The following NAALADL2 variants were observed in gnomAD, a reference collection of about 807,000 sequenced individuals.
The protein encoded by NAALADL2 is inactive N-acetylated-alpha-linked acidic dipeptidase-like protein 2.
A neutral mutation model predicts 87.2 loss-of-function variants in NAALADL2; 76 were observed. The observed-to-expected ratio is 0.87, with a 90% CI of 0.72 to 1.05. The LOEUF (loss-of-function observed/expected upper bound fraction) is 1.05, where lower values mean the gene tolerates loss of function less well. NAALADL2 is among the 50% of genes least tolerant of loss of function. The pLI, the probability that NAALADL2 is intolerant of heterozygous loss-of-function variation, is 0.00. For missense variants in NAALADL2, 1,089 were observed against 945.8 expected, an observed-to-expected ratio of 1.15 and a Z score of -1.99; for synonymous variants, 354 against 331.0, an observed-to-expected ratio of 1.07 and a Z score of -0.75.
At chr3:175,001,107 C>A (rs977360839) in intron 1 of NAALADL2, among the ~76,000 whole-genome samples, 5 of 152,172 alleles carry the variant, frequency 3.3e-5, no homozygotes, top group African/African-American at 4.8e-5. Context: ...GAGGAAGGTT[C>A]CAGTCCAACC....
At chr3:175,456,155 C>T (rs933811372) in intron 6 of NAALADL2, among the ~76,000 whole-genome samples, 2 of 151,994 alleles carry the variant, frequency 1.3e-5, no homozygotes, top group African/African-American at 4.8e-5. Flanking sequence ...AGATTGGGAA[C>T]CAATTAATCT....
intron 10 of NAALADL2, among the ~76,000 whole-genome samples, chr3:175,581,551 C>A (rs1483980281): frequency 6.6e-6 from 1 of 152,270 alleles, no homozygotes; most frequent in East Asian, 1.9e-4. Context: ...GAAGAAAAAT[C>A]TGCTCCAATA....
upstream of NAALADL2, among the ~76,000 whole-genome samples, chr3:174,855,781 C>T (rs1465892815): frequency 6.1e-5 from 3 of 49,474 alleles, no homozygotes; most frequent in African/African-American, 2.2e-4. Flanking sequence ...GAAATACACA[C>T]ACACACACAC....
intron 3 of NAALADL2, among the ~76,000 whole-genome samples, chr3:174,777,267 T>C (rs1715327220): frequency 6.6e-6 from 1 of 152,092 alleles, no homozygotes. Context: ...AAAATGTAGG[T>C]AATGTGTAAA....
At chr3:175,073,620 A>T (rs1363631965) in intron 1 of NAALADL2, among the ~76,000 whole-genome samples, 1 of 152,014 alleles carries the variant, frequency 6.6e-6, no homozygotes, top group Non-Finnish European at 1.5e-5. Context: ...ATTTTCATTT[A>T]TTCTGAAGTA....
intron 10 of NAALADL2, among the ~76,000 whole-genome samples, chr3:175,620,925 T>G (rs9283641): frequency 0.72 from 108,871 of 152,050 alleles, 40,265 homozygotes; most frequent in East Asian, 0.87. Context: ...GCCCTCAGCT[T>G]CAAGAGGGGA....
rs71164634 is a variant in NAALADL2 at position 175,465,473 on chromosome 3, C to CTTTTTTTTTTTTTTTTTTTTTTTTT, written c.1328-1487_1328-1486insTTTTTTTTTTTTTTTTTTTTTTTTT. On this transcript the variant is annotated intron_variant, in intron 7 of 13. Coordinates refer to ENST00000454872, the MANE Select transcript of NAALADL2 (RefSeq NM_207015.3). ...ACACTATGTATACCATGAATTAAAT[C>CTTTTTTTTTTTTTTTTTTTTTTTTT]TTTTTTTTTTTTTTTTTTTGAGATG... Among the ~76,000 whole-genome samples, 31 of 106,730 alleles carry CTTTTTTTTTTTTTTTTTTTTTTTTT rather than the reference C, an allele frequency of 2.9e-4. 2 individuals are homozygous for CTTTTTTTTTTTTTTTTTTTTTTTTT. Among genetic ancestry groups the CTTTTTTTTTTTTTTTTTTTTTTTTT allele is most frequent in the East Asian group, 1.3e-3 (4 of 3,052 alleles). The allele number at this position is 106,730 out of a possible 152,430, so 70.0% of individuals were successfully genotyped here.
At chr3:175,071,932 T>C (rs1251783457) in intron 1 of NAALADL2, among the ~76,000 whole-genome samples, 1 of 152,082 alleles carries the variant, frequency 6.6e-6, no homozygotes, top group Non-Finnish European at 1.5e-5. Flanking sequence ...CAACTGCTGT[T>C]TTTAACTATA....
intron 12 of NAALADL2, among the ~76,000 whole-genome samples, chr3:175,737,814 G>T (rs1414093937): frequency 1.4e-5 from 2 of 138,062 alleles, no homozygotes; most frequent in African/African-American, 5.5e-5. Context: ...TGGTTTCTGT[G>T]TGGTATGGGC....
At chr3:174,931,082 A>G (rs1736827785) in intron 1 of NAALADL2, among the ~76,000 whole-genome samples, 1 of 152,138 alleles carries the variant, frequency 6.6e-6, no homozygotes, top group Non-Finnish European at 1.5e-5. Flanking sequence ...TATACTAATG[A>G]ACTATATTTC....
At chr3:175,087,043 A>G (rs1038329898) in intron 1 of NAALADL2, among the ~76,000 whole-genome samples, 11 of 152,312 alleles carry the variant, frequency 7.2e-5, no homozygotes, top group African/African-American at 2.6e-4. Flanking sequence ...AGGCCTAGAA[A>G]AAATATTAAT....
At chr3:175,386,711 G>T (rs28524888) in intron 5 of NAALADL2, among the ~76,000 whole-genome samples, 3,907 of 152,174 alleles carry the variant, frequency 0.026, 148 homozygotes, top group African/African-American at 0.089. Flanking sequence ...ATAATGAAGT[G>T]TTGTGTTGTC....
intron 2 of NAALADL2, among the ~76,000 whole-genome samples, chr3:174,639,364 A>C (rs1267760291): frequency 5.3e-5 from 8 of 152,216 alleles, no homozygotes; most frequent in Admixed American, 4.6e-4. Context: ...ACTAAGACCC[A>C]GGGGTGTATG....
intron 2 of NAALADL2, among the ~76,000 whole-genome samples, chr3:175,222,946 TGTG>T (rs1301531819): frequency 6.6e-6 from 1 of 152,138 alleles, no homozygotes; most frequent in African/African-American, 2.4e-5. Context: ...TTCAACCTGT[TGTG>T]GTATTTTTCC....
At chr3:175,119,979 T>C (rs910010496) in intron 2 of NAALADL2, among the ~76,000 whole-genome samples, 1 of 150,676 alleles carries the variant, frequency 6.6e-6, no homozygotes, top group African/African-American at 2.4e-5. Context: ...AGGCCGGTGT[T>C]GTAATGATTC....
intron 1 of NAALADL2, among the ~76,000 whole-genome samples, chr3:174,994,454 AT>A (rs999995174): frequency 3.3e-5 from 5 of 152,188 alleles, no homozygotes; most frequent in Non-Finnish European, 5.9e-5. Context: ...TATATAACTT[AT>A]TTTTAGTCAG....
At chr3:175,095,882 G>C (rs1721069602) in intron 1 of NAALADL2, among the ~76,000 whole-genome samples, 1 of 152,072 alleles carries the variant, frequency 6.6e-6, no homozygotes, top group South Asian at 2.1e-4. Flanking sequence ...TAATACACCA[G>C]TGGTTTACTG....
At chr3:174,892,975 C>T (rs568580905) in intron 1 of NAALADL2, among the ~76,000 whole-genome samples, 22 of 149,676 alleles carry the variant, frequency 1.5e-4, no homozygotes, top group Non-Finnish European at 2.8e-4. Flanking sequence ...GCAGATTTAA[C>T]CCAGATATGA....
chr3:175,738,482 G>A (rs1181887791), intron 12 of NAALADL2, among the ~76,000 whole-genome samples: 2 of 152,048 alleles, frequency 1.3e-5, no homozygotes, highest in South Asian at 4.2e-4. Flanking sequence ...ACTGAGCTCA[G>A]GCAATCTGCC....
Sources: gnomAD v4.1 joint callset for allele counts (sites outside exome capture counted in the v4.1 genomes callset) on GRCh38, gnomAD v4.1.1 for gene constraint, MANE v1.5 for transcripts, NCBI Gene and HGNC (gene_info 2026-07-23, HGNC 2026-07-21) for gene names.